The following SENP5 variants were observed in gnomAD, a reference collection of about 807,000 sequenced individuals.
SENP5 encodes sentrin-specific protease 5.
A neutral mutation model predicts 74.2 loss-of-function variants in SENP5; 21 were observed. That is an observed-to-expected ratio of 0.28 (90% CI 0.20 to 0.41). SENP5 has a LOEUF of 0.41. SENP5 is among the 10% of genes least tolerant of loss of function. The pLI, the probability that SENP5 is intolerant of heterozygous loss-of-function variation, is 1.00. For missense variants in SENP5, 717 were observed against 889.1 expected, an observed-to-expected ratio of 0.81 and a Z score of 2.46; for synonymous variants, 311 against 312.7, an observed-to-expected ratio of 0.99 and a Z score of 0.06.
At chr3:196,892,281 C>A (rs1714244341) in intron 2 of SENP5, among the ~76,000 whole-genome samples, 1 of 151,976 alleles carries the variant, frequency 6.6e-6, no homozygotes, top group Admixed American at 6.6e-5. Flanking sequence ...GTAGCCAGGA[C>A]CACAGAGGTG....
intron 6 of SENP5, among the ~76,000 whole-genome samples, chr3:196,910,299 C>T (rs1013033413): frequency 6.7e-6 from 1 of 148,542 alleles, no homozygotes; most frequent in African/African-American, 2.5e-5. Flanking sequence ...TAGGAAGAAC[C>T]AGTATCTTGA....
intron 9 of SENP5, among the ~76,000 whole-genome samples, chr3:196,929,985 C>CAG (rs375450550): frequency 1.7e-3 from 129 of 77,582 alleles, no homozygotes; most frequent in African/African-American, 5.6e-3. Context: ...TTGGCATTTG[C>CAG]ATAAAAAAAA....
intron 1 of SENP5, among the ~76,000 whole-genome samples, chr3:196,873,601 G>T (rs1713314831): frequency 6.6e-6 from 1 of 152,016 alleles, no homozygotes; most frequent in Non-Finnish European, 1.5e-5. Flanking sequence ...AGCACTTTGG[G>T]AGTCTGAGGC....
intron 1 of SENP5, among the ~76,000 whole-genome samples, chr3:196,877,931 A>AT (rs1560139093): frequency 6.6e-6 from 1 of 152,114 alleles, no homozygotes; most frequent in Non-Finnish European, 1.5e-5. Context: ...CAGCAACTTC[A>AT]TTTTTTCCAT....
intron 1 of SENP5, among the ~76,000 whole-genome samples, chr3:196,873,010 G>T (rs1277507477): frequency 6.6e-6 from 1 of 151,252 alleles, no homozygotes; most frequent in East Asian, 1.9e-4. Context: ...AACAATTCCT[G>T]ACCTGTTTTG....
chr3:196,873,996 C>T (rs1713340938), intron 1 of SENP5, among the ~76,000 whole-genome samples: 1 of 151,652 alleles, frequency 6.6e-6, no homozygotes, highest in African/African-American at 2.4e-5. Flanking sequence ...CACCATGGTG[C>T]CTGGCTGGTT....
Position 196,873,069 on chromosome 3 carries a change from CTTTTTTTT to C in SENP5, c.-32+5010_-32+5017del, listed in dbSNP as rs572160747. On this transcript the variant is annotated intron_variant, in intron 1 of 9. Transcript: ENST00000323460. ...TCCTCCCTGCAAGCTTGAGATTTAA[CTTTTTTTT>C]TTTTTTTTTTTTTGGAGACGGAGTC... Among the ~76,000 whole-genome samples, 6 of 108,356 alleles carry C rather than the reference CTTTTTTTT, an allele frequency of 5.5e-5. No homozygotes were observed. In the South Asian group the frequency reaches 1.7e-3, roughly 31 times the overall value. The allele number at this position is 108,356 out of a possible 152,430, so 71.1% of individuals were successfully genotyped here. A position where few individuals can be genotyped will look rare whatever the true frequency, so the allele number is the denominator to read the frequency against.
chr3:196,890,630 T>C (rs996572016), intron 2 of SENP5, among the ~76,000 whole-genome samples: 10 of 152,244 alleles, frequency 6.6e-5, no homozygotes, highest in Admixed American at 5.9e-4. Context: ...TCTAGGACTC[T>C]GCACTGAGAT....
intron 6 of SENP5, among the ~76,000 whole-genome samples, chr3:196,908,951 C>T (rs1315621649): frequency 1.3e-5 from 2 of 151,778 alleles, no homozygotes; most frequent in African/African-American, 4.8e-5. Context: ...ACAAAAAAAC[C>T]CTTCAAAAAA....
At chr3:196,892,521 T>C (rs907647775) in intron 2 of SENP5, among the ~76,000 whole-genome samples, 52 of 152,236 alleles carry the variant, frequency 3.4e-4, no homozygotes, top group African/African-American at 1.2e-3. Context: ...ATGTTTACTT[T>C]GTGAAGTAAA....
At chr3:196,869,471 C>A (rs1252280110) in intron 1 of SENP5, among the ~76,000 whole-genome samples, 1 of 150,536 alleles carries the variant, frequency 6.6e-6, no homozygotes, top group Non-Finnish European at 1.5e-5. Context: ...CTCAAAAGTG[C>A]TGGGATCAGC....
intron 8 of SENP5, among the ~76,000 whole-genome samples, chr3:196,928,385 G>A (rs1715894987): frequency 6.6e-6 from 1 of 152,250 alleles, no homozygotes; most frequent in African/African-American, 2.4e-5. Context: ...CCCAGGCACA[G>A]CCGCTCATTC....
intron 7 of SENP5, among the ~76,000 whole-genome samples, chr3:196,925,231 A>G (rs946049706): frequency 2.0e-4 from 31 of 152,144 alleles, no homozygotes; most frequent in African/African-American, 7.5e-4. Context: ...TAATTTAAAA[A>G]TTAAGTATAA....
chr3:196,886,915 C>T (rs1714001031), intron 2 of SENP5, among the ~76,000 whole-genome samples: 1 of 151,992 alleles, frequency 6.6e-6, no homozygotes, highest in South Asian at 2.1e-4. Flanking sequence ...GCTAATAGTG[C>T]GATGAAATTA....
In SENP5 at chr3:196,900,389, A is replaced by C; in HGVS notation, c.1783A>C (p.Ile595Leu). Residue 595 changes from isoleucine (I) to leucine (L), a missense_variant, in exon 5 of 10, where the codon ATA becomes CTA. Physicochemically the swap from Ile to Leu is conservative, Grantham distance 5. Transcript: ENST00000323460. ...DQVINMYGEL[I>L]MDAVPDKVHF... ...GGTCATTAATATGTATGGTGAGCTG[A>C]TAATGGATGCAGTCCCAGACAAAGT... The C allele has an allele frequency of 6.2e-7, 1 of 1,611,606 alleles. No individual in the cohort carries two copies. Among genetic ancestry groups the C allele is most frequent in the Non-Finnish European group, 8.5e-7 (1 of 1,178,884 alleles).
chr3:196,929,508 TATACCA>T (rs1715944557), intron 8 of SENP5, 119 bp from the exon 9 acceptor site: 9 of 590,982 alleles, frequency 1.5e-5, no homozygotes, highest in Non-Finnish European at 2.4e-5. Flanking sequence ...AGATATCAGA[TATACCA>T]GCTGTCCTGG....
In SENP5 at chr3:196,933,079, A is replaced by C. The variant is rs1265454483; in HGVS notation, c.*2156A>C. The C allele has an allele frequency of 7.4e-6, 1 of 135,506 alleles. No homozygotes were observed. The highest frequency in any genetic ancestry group is 2.8e-5 in the African/African-American group (1 of 35,980). 8.4% of individuals were successfully genotyped at this position (135,506 alleles called of 1,614,324 possible). Reference sequence around the variant, plus strand: ...CCCTCAGGCTGGAGTGCAATGGCGCAATCTTGCCTCACTGCAACCTCCACC... The same window carrying C: ...CCCTCAGGCTGGAGTGCAATGGCGCCATCTTGCCTCACTGCAACCTCCACC... On this transcript the variant is annotated 3_prime_UTR_variant, in exon 10 of 10. Coordinates refer to ENST00000323460, the MANE Select transcript of SENP5 (RefSeq NM_152699.5).
intron 6 of SENP5, among the ~76,000 whole-genome samples, chr3:196,907,591 A>G (rs1456451658): frequency 6.6e-6 from 1 of 152,196 alleles, no homozygotes; most frequent in African/African-American, 2.4e-5. Context: ...AATAAAGTCA[A>G]ATATGTGAGT....
intron 6 of SENP5, among the ~76,000 whole-genome samples, chr3:196,910,335 CTTTTTTTTTT>C (rs869108574): frequency 2.3e-4 from 12 of 51,338 alleles, no homozygotes; most frequent in South Asian, 1.2e-3. Context: ...CCAAAGTAAT[CTTTTTTTTTT>C]TTTTTTTTTT....
Sources: allele counts gnomAD v4.1 joint callset (sites outside exome capture counted in the v4.1 genomes callset), GRCh38; gene constraint gnomAD v4.1.1; transcripts MANE v1.5; gene names NCBI Gene and HGNC (gene_info 2026-07-23, HGNC 2026-07-21).